The following HGF variants were observed in gnomAD, a reference collection of about 807,000 sequenced individuals.
HGF encodes fibroblast-derived tumor cytotoxic factor.
HGF carries 39 observed loss-of-function variants against 111.6 expected under a neutral mutation model. The ratio of observed to expected loss-of-function variants is 0.35; its 90% confidence interval spans 0.27 to 0.46. The LOEUF (loss-of-function observed/expected upper bound fraction) is 0.46, where lower values mean the gene tolerates loss of function less well. HGF is among the 20% of genes least tolerant of loss of function. The pLI is 1.00. For missense variants in HGF, 735 were observed against 910.5 expected, an observed-to-expected ratio of 0.81 and a Z score of 2.48; for synonymous variants, 285 against 294.8, an observed-to-expected ratio of 0.97 and a Z score of 0.34.
At chr7:81,728,884 T>C (rs5745693) in intron 8 of HGF, among the ~76,000 whole-genome samples, 2,338 of 152,302 alleles carry the variant, frequency 0.015, 29 homozygotes, top group Non-Finnish European at 0.021. Context: ...TGTTATTAAT[T>C]TCAAAAGCAA....
chr7:81,706,459 A>G (rs1583915221), intron 14 of HGF, 32 bp from the exon 15 acceptor site: 3 of 1,558,846 alleles, frequency 1.9e-6, no homozygotes, highest in Non-Finnish European at 2.7e-6. Flanking sequence ...TAAATGTAAA[A>G]CATAATAATT....
rs765177187 is a variant in HGF at position 81,702,532 on chromosome 7, A to G, written c.*49T>C. On this transcript the variant is annotated 3_prime_UTR_variant, in exon 18 of 18. Transcript: ENST00000222390. ...AAATTCCACATTCTCTGAAATCTTC[A>G]TGTAAAAGACAGTTGTATTGGTGGG... 3 of 1,418,174 alleles carry G rather than the reference A, an allele frequency of 2.1e-6. No homozygotes were observed. In the Admixed American group the frequency reaches 5.1e-5, roughly 24 times the overall value. 87.8% of individuals were successfully genotyped at this position (1,418,174 alleles called of 1,614,324 possible).
chr7:81,758,460 G>A (rs1788891674), intron 3 of HGF, among the ~76,000 whole-genome samples: 1 of 151,798 alleles, frequency 6.6e-6, no homozygotes, highest in Admixed American at 6.6e-5. Context: ...AATAAACAGA[G>A]GGAGGAAGGG....
chr7:81,710,580 G>C (rs984719819), intron 12 of HGF, among the ~76,000 whole-genome samples: 6 of 151,786 alleles, frequency 4.0e-5, no homozygotes, highest in African/African-American at 1.5e-4. Context: ...ATAAACCAAA[G>C]TTATTTACAA....
At chr7:81,742,962 G>C in intron 7 of HGF, 1 of 1,611,944 alleles carries the variant, frequency 6.2e-7, no homozygotes, top group Non-Finnish European at 8.5e-7. Context: ...GGGGAGGAAA[G>C]GTAGGTAAAG....
At chr7:81,756,768 G>T (rs1297513446) in intron 4 of HGF, 1 of 197,152 alleles carries the variant, frequency 5.1e-6, no homozygotes, top group Non-Finnish European at 1.1e-5. Context: ...CTTGCAGCAG[G>T]TGATTTTAAT....
At chr7:81,748,148 A>C (rs1788351856) in intron 5 of HGF, among the ~76,000 whole-genome samples, 2 of 152,148 alleles carry the variant, frequency 1.3e-5, no homozygotes, top group South Asian at 4.1e-4. Context: ...TTTGTTTTAT[A>C]TATTTTAACT....
intron 10 of HGF, among the ~76,000 whole-genome samples, chr7:81,717,812 A>T (rs1347821542): frequency 6.6e-6 from 1 of 152,216 alleles, no homozygotes; most frequent in Non-Finnish European, 1.5e-5. Context: ...ACTATGACAG[A>T]GTACAAGAAG....
At chr7:81,706,177 A>G in intron 15 of HGF, 110 bp downstream of exon 15, 1 of 918,526 alleles carries the variant, frequency 1.1e-6, no homozygotes, top group Non-Finnish European at 1.8e-6. Context: ...CATGTAACAT[A>G]TGTTTATAAT....
intron 11 of HGF, among the ~76,000 whole-genome samples, chr7:81,713,989 CGTGTGTGTGTGTGTGTGTGTGTGTGTGT>C (rs10539468): frequency 7.0e-6 from 1 of 142,320 alleles, no homozygotes; most frequent in Admixed American, 7.1e-5. Context: ...GGTGTGTGTG[CGTGTGTGTGTGTGTGTGTGTGTGTGTGT>C]GTGTGTGTGT....
At chr7:81,717,386 G>T in intron 10 of HGF, 21 bp from the exon 11 acceptor site, 2 of 1,609,086 alleles carry the variant, frequency 1.2e-6, no homozygotes. Flanking sequence ...AACAGGCCTT[G>T]CACATCACAA....
intron 12 of HGF, 60 bp from the exon 13 acceptor site, chr7:81,710,303 T>C (rs1200223773): frequency 3.8e-6 from 4 of 1,057,130 alleles, no homozygotes; most frequent in Non-Finnish European, 5.9e-6. Flanking sequence ...TCAGTGCCTC[T>C]TAGTTTTCTT....
intron 10 of HGF, among the ~76,000 whole-genome samples, chr7:81,720,268 T>A (rs1789818574): frequency 6.6e-6 from 1 of 152,242 alleles, no homozygotes. Flanking sequence ...TAAGGTTTAG[T>A]ATTTTAGAAA....
At chr7:81,728,550 C>T (rs763068612) in intron 8 of HGF, among the ~76,000 whole-genome samples, 24 of 151,950 alleles carry the variant, frequency 1.6e-4, no homozygotes, top group Non-Finnish European at 2.2e-4. Flanking sequence ...CCATGGGTCA[C>T]GAATAGAGAG....
At chr7:81,706,491 C>T in intron 14 of HGF, 64 bp from the exon 15 acceptor site, 1 of 1,313,582 alleles carries the variant, frequency 7.6e-7, no homozygotes, top group Non-Finnish European at 1.1e-6. Context: ...AGTATTATTC[C>T]TATCTATTGT....
At chr7:81,742,678 G>T in intron 7 of HGF, 2 of 1,319,052 alleles carry the variant, frequency 1.5e-6, no homozygotes, top group Non-Finnish European at 1.9e-6. Context: ...AGATTGAAAG[G>T]AACAATATAA....
chr7:81,751,914 C>T (rs888821947), intron 5 of HGF: 1 of 1,392,944 alleles, frequency 7.2e-7, no homozygotes, highest in Non-Finnish European at 9.3e-7. Context: ...AAACTGATAA[C>T]TCGCTCTGTT....
At chr7:81,707,635 AT>A (rs1789463496) in intron 13 of HGF, among the ~76,000 whole-genome samples, 1 of 152,284 alleles carries the variant, frequency 6.6e-6, no homozygotes, top group South Asian at 2.1e-4. Flanking sequence ...ATCAATAGCC[AT>A]CCCGAACACA....
intron 5 of HGF, among the ~76,000 whole-genome samples, chr7:81,745,645 A>G (rs1399580812): frequency 6.6e-6 from 1 of 152,238 alleles, no homozygotes; most frequent in Non-Finnish European, 1.5e-5. Context: ...GGTGCAATTC[A>G]AAGAATACGG....
Sources: allele counts gnomAD v4.1 joint callset (sites outside exome capture counted in the v4.1 genomes callset), GRCh38; gene constraint gnomAD v4.1.1; transcripts MANE v1.5; gene names NCBI Gene and HGNC (gene_info 2026-07-23, HGNC 2026-07-21).